The following IPO11 variants were observed in gnomAD, a reference collection of about 807,000 sequenced individuals.
The protein encoded by IPO11 is importin-11.
IPO11 carries 66 observed loss-of-function variants against 143.2 expected under a neutral mutation model. The ratio of observed to expected loss-of-function variants is 0.46; its 90% CI spans 0.38 to 0.57. The LOEUF (loss-of-function observed/expected upper bound fraction) is 0.57, where lower values mean the gene tolerates loss of function less well. Ranked by LOEUF, IPO11 falls within the 20% of genes least tolerant of loss-of-function variation. The pLI is 0.00. For missense variants in IPO11, 1,026 were observed against 1,141.0 expected, an observed-to-expected ratio of 0.90 and a Z score of 1.45; for synonymous variants, 385 against 377.8, an observed-to-expected ratio of 1.02 and a Z score of -0.22.
At chr5:62,415,600 C>G (rs1240468493) in intron 1 of IPO11, among the ~76,000 whole-genome samples, 1 of 151,308 alleles carries the variant, frequency 6.6e-6, no homozygotes, top group Non-Finnish European at 1.5e-5. Flanking sequence ...TCCTGAGTAG[C>G]TGGGATTACC....
intron 2 of IPO11, among the ~76,000 whole-genome samples, chr5:62,440,762 A>G (rs765376282): frequency 5.3e-5 from 8 of 152,004 alleles, no homozygotes; most frequent in African/African-American, 1.9e-4. Context: ...CAGGCGTTCA[A>G]GACCCACCTG....
chr5:62,442,195 A>C (rs1744508474), intron 2 of IPO11, among the ~76,000 whole-genome samples: 1 of 152,132 alleles, frequency 6.6e-6, no homozygotes, highest in South Asian at 2.1e-4. Flanking sequence ...GGTACTATGA[A>C]ATAGTTTTAT....
chr5:62,615,733 A>G (rs1230436977), intron 29 of IPO11, among the ~76,000 whole-genome samples: 3 of 152,220 alleles, frequency 2.0e-5, no homozygotes, highest in Non-Finnish European at 4.4e-5. Context: ...TTGAACAGGA[A>G]CAAGGAAACA....
At chr5:62,430,136 C>G (rs971947078) in intron 1 of IPO11, among the ~76,000 whole-genome samples, 2 of 152,128 alleles carry the variant, frequency 1.3e-5, no homozygotes, top group African/African-American at 4.8e-5. Context: ...AATAATGTTG[C>G]AGTGAATATC....
chr5:62,419,477 A>T (rs1208433479), intron 1 of IPO11, among the ~76,000 whole-genome samples: 1 of 152,212 alleles, frequency 6.6e-6, no homozygotes, highest in African/African-American at 2.4e-5. Context: ...GCAAACACAC[A>T]CATTAACTCA....
In IPO11 at chr5:62,414,818, A is replaced by C. The variant is rs1021554927; in HGVS notation, c.-7+1889A>C. On this transcript the variant is annotated intron_variant, in intron 1 of 29. Transcript: ENST00000325324. ...GGTTGGTAACAGTTGAAGAACACTG[A>C]GGTAATGCACAAACCGGTATAAAAA... Among the ~76,000 whole-genome samples, 55 of 152,222 alleles carry C rather than the reference A, an allele frequency of 3.6e-4. 2 individuals are homozygous for C. Among genetic ancestry groups the C allele is most frequent in the Non-Finnish European group, 1.3e-4 (9 of 68,040 alleles).
rs1223015450 is a variant in IPO11, at chr5:62,550,049, G to T, written c.2251-318G>T. Among the ~76,000 whole-genome samples, 4 of 152,046 alleles carry T rather than the reference G, an allele frequency of 2.6e-5. No individual in the cohort carries two copies. In the East Asian group the frequency reaches 5.8e-4, roughly 22 times the overall value. Reference sequence around the variant, plus strand: ...CTCTATTAGTGCATCATTTTTAAGGGTTATTTGTTTACATTGCAAGGGTAA... The same window carrying T: ...CTCTATTAGTGCATCATTTTTAAGGTTTATTTGTTTACATTGCAAGGGTAA... On this transcript the variant is annotated intron_variant, in intron 24 of 29. Transcript: ENST00000325324.
intron 16 of IPO11, among the ~76,000 whole-genome samples, chr5:62,496,145 G>A (rs1741142804): frequency 6.6e-6 from 1 of 151,998 alleles, no homozygotes; most frequent in Admixed American, 6.6e-5. Flanking sequence ...AAAATTAGCT[G>A]GGCATGGTGG....
At chr5:62,452,019 G>A (rs997374821) in intron 5 of IPO11, 86 bp downstream of exon 5, 4 of 1,035,400 alleles carry the variant, frequency 3.9e-6, no homozygotes, top group Non-Finnish European at 5.9e-6. Context: ...AGCACTTTGG[G>A]AGGCCGAGGC....
At chr5:62,605,713 G>GTATTATTAT (rs139613779) in intron 29 of IPO11, among the ~76,000 whole-genome samples, 31,199 of 146,604 alleles carry the variant, frequency 0.21, 3,985 homozygotes, top group Non-Finnish European at 0.29. Flanking sequence ...AGCTAACAAA[G>GTATTATTAT]TATTATTATT....
At chr5:62,621,432 A>G (rs1386903156) in intron 29 of IPO11, among the ~76,000 whole-genome samples, 1 of 152,202 alleles carries the variant, frequency 6.6e-6, no homozygotes, top group Non-Finnish European at 1.5e-5. Flanking sequence ...AGGAGAGGCC[A>G]GGCTCCTCCC....
rs750789975 is a variant in IPO11 at position 62,556,817 on chromosome 5, G to A, written c.2461-4319G>A. Among the ~76,000 whole-genome samples, 10 of 151,258 alleles carry A rather than the reference G, an allele frequency of 6.6e-5. 1 individual carries two copies. Among genetic ancestry groups the A allele is most frequent in the Admixed American group, 5.3e-4 (8 of 15,182 alleles). ...CCTTTACCTGCAATTTCCTTTCATC[G>A]TCTTTCCATCCTCTTTTATTTTTCC... On this transcript the variant is annotated intron_variant, in intron 26 of 29. Transcript: ENST00000325324.
chr5:62,429,429 C>T (rs906977583), intron 1 of IPO11, among the ~76,000 whole-genome samples: 26 of 151,842 alleles, frequency 1.7e-4, no homozygotes, highest in African/African-American at 6.3e-4. Flanking sequence ...ATTTAATTTT[C>T]GTTTTTGAGA....
At chr5:62,417,254 A>G (rs907403307) in intron 1 of IPO11, among the ~76,000 whole-genome samples, 19 of 149,148 alleles carry the variant, frequency 1.3e-4, no homozygotes, top group African/African-American at 3.7e-4. Flanking sequence ...CACCATGCCC[A>G]GCTTATTTCC....
intron 29 of IPO11, among the ~76,000 whole-genome samples, chr5:62,617,189 T>C (rs1410506726): frequency 6.6e-6 from 1 of 152,220 alleles, no homozygotes; most frequent in East Asian, 1.9e-4. Flanking sequence ...CTTGTTCAGA[T>C]TTCTCAGTCC....
chr5:62,573,524 GTGATCTGTGAGCTGATGGA>G (rs561709513), intron 27 of IPO11, among the ~76,000 whole-genome samples: 133 of 152,296 alleles, frequency 8.7e-4, no homozygotes, highest in Non-Finnish European at 1.3e-3. Context: ...AGAAATATGT[GTGATCTGTGAGCTGATGGA>G]TGAATTATGA....
chr5:62,503,224 TAA>T (rs903416768), intron 16 of IPO11, among the ~76,000 whole-genome samples: 1 of 151,928 alleles, frequency 6.6e-6, no homozygotes, highest in African/African-American at 2.4e-5. Flanking sequence ...GCTGGGAACT[TAA>T]AGATGTTTAT....
At chr5:62,571,395 T>C (rs147371791) in intron 27 of IPO11, among the ~76,000 whole-genome samples, 18 of 152,330 alleles carry the variant, frequency 1.2e-4, no homozygotes, top group African/African-American at 4.3e-4. Context: ...GGGCTTATTA[T>C]GATAAATTGG....
At chr5:62,442,927 A>C in intron 2 of IPO11, 56 bp from the exon 3 acceptor site, 1 of 961,208 alleles carries the variant, frequency 1.0e-6, no homozygotes, top group Non-Finnish European at 1.6e-6. Context: ...TGGGTACATT[A>C]ATTATACTTT....
Sources: allele counts gnomAD v4.1 joint callset (sites outside exome capture counted in the v4.1 genomes callset), GRCh38; gene constraint gnomAD v4.1.1; transcripts MANE v1.5; gene names NCBI Gene and HGNC (gene_info 2026-07-23, HGNC 2026-07-21).